The following DTX3L variants were observed in gnomAD, a reference collection of about 807,000 sequenced individuals.
The protein encoded by DTX3L is E3 ubiquitin-protein ligase DTX3L.
DTX3L carries 34 observed loss-of-function variants against 60.9 expected under a neutral mutation model. The observed-to-expected ratio is 0.56, with a 90% confidence interval of 0.42 to 0.74. DTX3L has a LOEUF of 0.74. DTX3L is among the 30% of genes least tolerant of loss of function. DTX3L has a pLI of 0.00. For missense variants in DTX3L, 810 were observed against 874.0 expected, an observed-to-expected ratio of 0.93 and a Z score of 0.92; for synonymous variants, 290 against 316.6, an observed-to-expected ratio of 0.92 and a Z score of 0.89.
Position 122,569,819 on chromosome 3 carries a change from G to C in DTX3L, c.1730G>C (p.Cys577Ser). The C allele has an allele frequency of 6.2e-7, 1 of 1,614,114 alleles. No individual in the cohort carries two copies. Among genetic ancestry groups the C allele is most frequent in the Non-Finnish European group, 8.5e-7 (1 of 1,180,034 alleles). Residue 577 changes from cysteine (C) to serine (S), a missense_variant, in exon 3 of 5, where the codon TGC (cysteine) becomes TCC (serine). By Grantham distance (112) the Cys-to-Ser change is moderately radical. Transcript: ENST00000296161. ...AGTAACAAAAAAGTGCTACCAAAGT[G>C]CAAGCATGAATTCTGCGCCCCTTGT... ...TISNKKVLPK[C>S]KHEFCAPCIN...
chr3:122,575,081 CTG>C lies in DTX3L; in HGVS notation c.*3341_*3342del, dbSNP rs2080673278. ...TCTGGATTCTGGATGGGAGATTGCA[CTG>C]TGTGTGACATGCAAGTTTCATGGTG... is the stretch of plus-strand genomic sequence containing the variant. On this transcript the variant is annotated 3_prime_UTR_variant, in exon 5 of 5. Coordinates refer to ENST00000296161, the MANE Select transcript of DTX3L (RefSeq NM_138287.3). 6.6e-6 allele frequency: 1 copy of C among 152,180 alleles called. No homozygotes were observed. The highest frequency in any genetic ancestry group is 1.5e-5 in the Non-Finnish European group (1 of 68,040). The allele number at this position is 152,180 out of a possible 1,614,324, so 9.4% of individuals were successfully genotyped here.
rs191553662 is a variant in DTX3L at position 122,573,183 on chromosome 3, C to T, written c.*1436C>T. Reference sequence around the variant, plus strand: ...TTCTTCAGGAACTAAGAGTGAGTCACTCCCATGAGAACAGCACCAAGCCAT... The same window carrying T: ...TTCTTCAGGAACTAAGAGTGAGTCATTCCCATGAGAACAGCACCAAGCCAT... On this transcript the variant is annotated 3_prime_UTR_variant, in exon 5 of 5. Coordinates refer to ENST00000296161, the MANE Select transcript of DTX3L (RefSeq NM_138287.3). 1 of 152,272 alleles carries T rather than the reference C, an allele frequency of 6.6e-6. No individual in the cohort carries two copies. The highest frequency in any genetic ancestry group is 1.9e-4 in the East Asian group (1 of 5,166). 9.4% of individuals were successfully genotyped at this position (152,272 alleles called of 1,614,324 possible).
chr3:122,571,937 T>G lies in DTX3L; in HGVS notation c.*190T>G. ...TGATACTTTTTTTTTTGAGACGGAGTCTGCTCTGTCGCTCGCGCTGGAGTG... is the reference window on the plus strand; with the variant it reads ...TGATACTTTTTTTTTTGAGACGGAGGCTGCTCTGTCGCTCGCGCTGGAGTG... On this transcript the variant is annotated 3_prime_UTR_variant, in exon 5 of 5. Coordinates refer to ENST00000296161, the MANE Select transcript of DTX3L (RefSeq NM_138287.3). 1 of 453,634 alleles carries G rather than the reference T, an allele frequency of 2.2e-6. No homozygotes were observed. The highest frequency in any genetic ancestry group is 4.0e-6 in the Non-Finnish European group (1 of 251,098). 28.1% of individuals were successfully genotyped at this position (453,634 alleles called of 1,614,324 possible). A position where few individuals can be genotyped will look rare whatever the true frequency, so the allele number is the denominator to read the frequency against.
Position 122,568,853 on chromosome 3 carries a change from A to C in DTX3L, c.764A>C (p.Asn255Thr). Residue 255 changes from asparagine (N) to threonine (T), a missense_variant, in exon 3 of 5, where the codon AAC (asparagine) becomes ACC (threonine). Coordinates refer to ENST00000296161, the MANE Select transcript of DTX3L (RefSeq NM_138287.3). ...AAATATATCTGTCCTGATAAAATCAACTCAATAGAGAAAAGATTTGGTGTA... is the reference window on the plus strand; with the variant it reads ...AAATATATCTGTCCTGATAAAATCACCTCAATAGAGAAAAGATTTGGTGTA... Reference protein sequence around the residue: ...YFKYICPDKINSIEKRFGVNI... With the variant: ...YFKYICPDKITSIEKRFGVNI... 1 of 1,613,986 alleles carries C rather than the reference A, an allele frequency of 6.2e-7. No homozygotes were observed. Among genetic ancestry groups the C allele is most frequent in the Non-Finnish European group, 8.5e-7 (1 of 1,179,992 alleles).
At position 122,568,549 on chromosome 3, in the gene DTX3L, T is replaced by C. The variant is rs758633481; in HGVS notation, c.460T>C (p.Tyr154His). 6.2e-7 allele frequency: 1 copy of C among 1,614,160 alleles called. No homozygotes were observed. The highest frequency in any genetic ancestry group is 1.1e-5 in the South Asian group (1 of 91,078). Residue 154 changes from tyrosine (Y) to histidine (H), a missense_variant, in exon 3 of 5, where the codon TAC (tyrosine) becomes CAC (histidine). Tyr to His is a moderately conservative substitution (Grantham distance 83). Coordinates refer to ENST00000296161, the MANE Select transcript of DTX3L (RefSeq NM_138287.3). ...CCTGTTCTCCAAAGAGCAGAGGGCA[T>C]ACATAACCACACTGTGCCCTAGTAT... The part of the protein sequence containing the change: ...CNLFSKEQRA[Y>H]ITTLCPSIRK...
Position 122,564,558 on chromosome 3 carries a change from C to T in DTX3L, c.132C>T (p.Ser44=). ...CGGGCGGCGGGGAGTGCACGGTCAGCACCCAGGAACACGAAGCCCCGGGCA... is the reference window on the plus strand; with the variant it reads ...CGGGCGGCGGGGAGTGCACGGTCAGTACCCAGGAACACGAAGCCCCGGGCA... ...KSSGGGECTV[S]TQEHEAPGTF... The change falls in exon 1 of 5, where the codon AGC becomes AGT. Residue 44 remains serine, a synonymous_variant. Transcript: ENST00000296161. 1 of 1,608,982 alleles carries T rather than the reference C, an allele frequency of 6.2e-7. No individual in the cohort carries two copies. The highest frequency in any genetic ancestry group is 8.5e-7 in the Non-Finnish European group (1 of 1,177,426).
chr3:122,570,574 G>C lies in DTX3L; in HGVS notation c.2055G>C (p.Leu685=), dbSNP rs2080638193. The C allele has an allele frequency of 1.9e-6, 3 of 1,614,052 alleles. No homozygotes were observed. In the South Asian group the frequency reaches 3.3e-5, roughly 18 times the overall value. ...TTTATAGGGCCTTTGACCAAAAGCTGATTTTTACAGTGGGGTACTCTCGCG... is the reference window on the plus strand; with the variant it reads ...TTTATAGGGCCTTTGACCAAAAGCTCATTTTTACAGTGGGGTACTCTCGCG... ...KLLYRAFDQK[L]IFTVGYSRVL... Residue 685 remains leucine, a synonymous_variant, in exon 4 of 5, where the codon CTG becomes CTC. Coordinates refer to ENST00000296161, the MANE Select transcript of DTX3L (RefSeq NM_138287.3).
In DTX3L at chr3:122,569,403, C is replaced by G. The variant is rs773910187; in HGVS notation, c.1314C>G (p.Ile438Met). ...CTGTGCATGCTTATGCAAGTTTCAT[C>G]GATGCCTTTCAACATGCCTCATGTC... is the stretch of plus-strand genomic sequence containing the variant. ...DLSVHAYASF[I>M]DAFQHASCQL... The change falls in exon 3 of 5, where the codon ATC (isoleucine) becomes ATG (methionine). Residue 438 changes from isoleucine to methionine, a missense_variant. Physicochemically the swap from Ile to Met is conservative, Grantham distance 10. Transcript: ENST00000296161. 1 of 1,614,152 alleles carries G rather than the reference C, an allele frequency of 6.2e-7. No homozygotes were observed. The highest frequency in any genetic ancestry group is 1.1e-5 in the South Asian group (1 of 91,084).
In DTX3L at chr3:122,574,029, G is replaced by A. The variant is rs1213827743; in HGVS notation, c.*2282G>A. On this transcript the variant is annotated 3_prime_UTR_variant, in exon 5 of 5. Transcript: ENST00000296161. ...TTTTTTTTTTTTTTGGTCGAGATGGGGTGTCCCTGTGTTGCCCAGACTGGT... is the reference window on the plus strand; with the variant it reads ...TTTTTTTTTTTTTTGGTCGAGATGGAGTGTCCCTGTGTTGCCCAGACTGGT... 6.6e-6 allele frequency: 1 copy of A among 151,188 alleles called. No homozygotes were observed. The highest frequency in any genetic ancestry group is 1.5e-5 in the Non-Finnish European group (1 of 67,876). The allele number at this position is 151,188 out of a possible 1,614,324, so 9.4% of individuals were successfully genotyped here. A position where few individuals can be genotyped will look rare whatever the true frequency, so the allele number is the denominator to read the frequency against.
At position 122,570,199 on chromosome 3, in the gene DTX3L, C is replaced by A. The variant is rs772453962; in HGVS notation, c.1935+175C>A. On this transcript the variant is annotated intron_variant, in intron 3 of 4. Coordinates refer to ENST00000296161, the MANE Select transcript of DTX3L (RefSeq NM_138287.3). ...CAATGTTTGCTGGTAATTCAAATAC[C>A]TTTTGTGTCTATTTCTTAAGACAGA... 6 of 778,586 alleles carry A rather than the reference C, an allele frequency of 7.7e-6. No individual in the cohort carries two copies. In the East Asian group the frequency reaches 1.6e-4, roughly 21 times the overall value. 48.2% of individuals were successfully genotyped at this position (778,586 alleles called of 1,614,324 possible).
chr3:122,569,648 T>C lies in DTX3L; in HGVS notation c.1559T>C (p.Leu520Ser). The C allele has an allele frequency of 6.2e-7, 1 of 1,614,068 alleles. No homozygotes were observed. Among genetic ancestry groups the C allele is most frequent in the Non-Finnish European group, 8.5e-7 (1 of 1,179,998 alleles). Residue 520 changes from leucine to serine, a missense_variant, in exon 3 of 5, where the codon TTG becomes TCG. Coordinates refer to ENST00000296161, the MANE Select transcript of DTX3L (RefSeq NM_138287.3). ...GGMSSLAGKK[L>S]KEGHETPMDI... ...ATGTCTTCATTGGCTGGAAAGAAATTGAAAGAGGGTCATGAAACACCGATG... is the reference window on the plus strand; with the variant it reads ...ATGTCTTCATTGGCTGGAAAGAAATCGAAAGAGGGTCATGAAACACCGATG...
In DTX3L at chr3:122,570,519, A is replaced by G; in HGVS notation, c.2000A>G (p.Asn667Ser). Residue 667 changes from asparagine (N) to serine (S), a missense_variant, in exon 4 of 5, where the codon AAT (asparagine) becomes AGT (serine). By Grantham distance (46) the Asn-to-Ser change is conservative (BLOSUM62 1). Transcript: ENST00000296161. ...CAGCGAACTGCATACTTGCCTGATA[A>G]TAAGGAAGGAAGGAAGGTTTTGAAA... is the stretch of plus-strand genomic sequence containing the variant. ...GIQRTAYLPD[N>S]KEGRKVLKLL... 3 of 1,614,182 alleles carry G rather than the reference A, an allele frequency of 1.9e-6. No individual in the cohort carries two copies. The highest frequency in any genetic ancestry group is 2.5e-6 in the Non-Finnish European group (3 of 1,180,032).
Position 122,569,921 on chromosome 3 carries a change from C to T in DTX3L, c.1832C>T (p.Pro611Leu), listed in dbSNP as rs776015727. The change falls in exon 3 of 5, where the codon CCA becomes CTA. Residue 611 changes from proline (P) to leucine (L), a missense_variant. Coordinates refer to ENST00000296161, the MANE Select transcript of DTX3L (RefSeq NM_138287.3). ...TSYGIQKGNQ[P>L]EGSMVFTVSR... ...TATGGTATTCAGAAAGGAAATCAGCCAGAGGGAAGCATGGTTTTCACTGTT... is the reference window on the plus strand; with the variant it reads ...TATGGTATTCAGAAAGGAAATCAGCTAGAGGGAAGCATGGTTTTCACTGTT... The T allele has an allele frequency of 5.6e-6, 9 of 1,613,964 alleles. No homozygotes were observed. In the East Asian group the frequency reaches 1.1e-4, roughly 20 times the overall value.
chr3:122,569,526 A>C lies in DTX3L; in HGVS notation c.1437A>C (p.Pro479=). Residue 479 remains proline (P), a synonymous_variant, in exon 3 of 5, where the codon CCA becomes CCC. Transcript: ENST00000296161. ...CTGATGACTTTAGAAAAAGACATCC[A>C]AATGTACACTTTGTGCTAAATCAAG... is the stretch of plus-strand genomic sequence containing the variant. ...KFADDFRKRH[P]NVHFVLNQES... is the part of the protein sequence containing the mutation. 1 of 1,614,264 alleles carries C rather than the reference A, an allele frequency of 6.2e-7. No homozygotes were observed. The highest frequency in any genetic ancestry group is 2.2e-5 in the East Asian group (1 of 44,894).
intron 4 of DTX3L, among the ~76,000 whole-genome samples, chr3:122,571,135 A>G (rs920688805): frequency 2.0e-5 from 3 of 152,154 alleles, no homozygotes; most frequent in Non-Finnish European, 4.4e-5. Flanking sequence ...ACGAAATCCA[A>G]TTGTTCTTTA....
intron 2 of DTX3L, among the ~76,000 whole-genome samples, chr3:122,566,606 G>T (rs2080594539): frequency 2.0e-5 from 3 of 151,642 alleles, no homozygotes; most frequent in Admixed American, 2.0e-4. Context: ...CAAGCGATCT[G>T]CCCGCCTTGG....
At chr3:122,570,396 C>A in intron 3 of DTX3L, 59 bp from the exon 4 acceptor site, 1 of 1,528,392 alleles carries the variant, frequency 6.5e-7, no homozygotes. Context: ...ACATCTATAC[C>A]TATAGTAAAA....
chr3:122,572,965 G>A lies in DTX3L; in HGVS notation c.*1218G>A, dbSNP rs909351555. 6.6e-6 allele frequency: 1 copy of A among 152,224 alleles called. No homozygotes were observed. Among genetic ancestry groups the A allele is most frequent in the African/African-American group, 2.4e-5 (1 of 41,450 alleles). 9.4% of individuals were successfully genotyped at this position (152,224 alleles called of 1,614,324 possible). A position where few individuals can be genotyped will look rare whatever the true frequency, so the allele number is the denominator to read the frequency against. On this transcript the variant is annotated 3_prime_UTR_variant, in exon 5 of 5. Transcript: ENST00000296161. The stretch of plus-strand genomic sequence containing the variant: ...TGTGTTGCTATAAAAGAACACCTGA[G>A]ACTGGGTAATTGATAAAGAAAAAGG...
rs758032061 is a variant in DTX3L at position 122,569,609 on chromosome 3, T to G, written c.1520T>G (p.Leu507Arg). The G allele has an allele frequency of 2.0e-5, 32 of 1,614,082 alleles. 1 individual carries two copies. In the South Asian group the frequency reaches 2.2e-4, roughly 11 times the overall value. ...CTTGCAAAGGCGAAGCAGTATGTTCTAAAAGGAGGAGGAATGTCTTCATTG... is the reference window on the plus strand; with the variant it reads ...CTTGCAAAGGCGAAGCAGTATGTTCGAAAAGGAGGAGGAATGTCTTCATTG... ...NHLAKAKQYVLKGGGMSSLAG... is the reference protein window; with the variant it reads ...NHLAKAKQYVRKGGGMSSLAG... The change falls in exon 3 of 5, where the codon CTA (leucine) becomes CGA (arginine). Residue 507 changes from leucine to arginine, a missense_variant. Leu to Arg is a moderately radical substitution (Grantham distance 102). Transcript: ENST00000296161.
Sources: allele counts gnomAD v4.1 joint callset (sites outside exome capture counted in the v4.1 genomes callset), GRCh38; gene constraint gnomAD v4.1.1; transcripts MANE v1.5; gene names NCBI Gene and HGNC (gene_info 2026-07-23, HGNC 2026-07-21).